CARD8: variants seen among roughly 807,000 people sequenced by gnomAD.
CARD8 encodes caspase recruitment domain family member 8.
CARD8 carries 38 observed loss-of-function variants against 53.2 expected under a neutral mutation model. That is an observed-to-expected ratio of 0.71 (90% confidence interval 0.55 to 0.94). CARD8 has a LOEUF of 0.94. Ranked by LOEUF, CARD8 falls within the 40% of genes least tolerant of loss-of-function variation. CARD8 has a pLI of 0.00. For synonymous variants in CARD8, 245 were observed against 244.9 expected, an observed-to-expected ratio of 1.00 and a Z score of 0.00; for missense variants, 561 against 655.5, an observed-to-expected ratio of 0.86 and a Z score of 1.57.
chr19:48,206,087 G>A (rs774237642), downstream of CARD8, among the ~76,000 whole-genome samples: 4 of 151,734 alleles, frequency 2.6e-5, no homozygotes, highest in African/African-American at 7.3e-5. Context: ...CAGTAGAGAC[G>A]AGGTTTCACC....
At chr19:48,238,191 C>A in intron 5 of CARD8, 192 bp downstream of exon 5, 1 of 1,085,640 alleles carries the variant, frequency 9.2e-7, no homozygotes, top group Non-Finnish European at 1.2e-6. Context: ...GGGCTCAGAC[C>A]TTTTTTCCCT....
intron 10 of CARD8, among the ~76,000 whole-genome samples, chr19:48,229,295 T>C (rs2042394589): frequency 6.6e-6 from 1 of 151,980 alleles, no homozygotes; most frequent in Non-Finnish European, 1.5e-5. Flanking sequence ...ATCAATAAGG[T>C]ATGAAGCAAG....
rs991381817 is a variant in CARD8 at position 48,242,274 on chromosome 19, G to A, written c.-43-1211C>T. The stretch of plus-strand genomic sequence containing the variant: ...CGCTCCCGCTTTCTACCGTGGGAGG[G>A]CGCAGCAAGAAGTCAGCCGTCTATG... On this transcript the variant is annotated intron_variant, in intron 3 of 13. Transcript: ENST00000651546. Among the ~76,000 whole-genome samples, 181 of 152,192 alleles carry A rather than the reference G, an allele frequency of 1.2e-3. 1 individual carries two copies. The highest frequency in any genetic ancestry group is 3.7e-3 in the African/African-American group (152 of 41,524).
Position 48,213,437 on chromosome 19 carries a change from CGA to C in CARD8, c.1349-1464_1349-1463del, listed in dbSNP as rs754430003. On this transcript the variant is annotated intron_variant, in intron 13 of 13. Coordinates refer to ENST00000651546, the MANE Select transcript of CARD8 (RefSeq NM_001184900.3). ...GTCCCCAGGCTGGAGTGCGATGGCA[CGA>C]TCTCGGCTTACTGCAATCTCCGCCC... Among the ~76,000 whole-genome samples the C allele has an allele frequency of 6.7e-3, 1,016 of 152,236 alleles. 7 individuals are homozygous for C. Among genetic ancestry groups the C allele is most frequent in the Non-Finnish European group, 0.011 (754 of 68,014 alleles).
chr19:48,232,929 G>A, intron 6 of CARD8: 2 of 380,482 alleles, frequency 5.3e-6, no homozygotes, highest in Non-Finnish European at 1.0e-5. Flanking sequence ...GTTCAATGTG[G>A]ACACAGCCAG....
intron 5 of CARD8, among the ~76,000 whole-genome samples, chr19:48,236,322 C>T (rs975414973): frequency 1.3e-5 from 2 of 152,132 alleles, no homozygotes; most frequent in African/African-American, 4.8e-5. Flanking sequence ...AAGCTATTCT[C>T]CTGCCTCAGC....
intron 12 of CARD8, 97 bp downstream of exon 12, chr19:48,218,774 G>C (rs1230430896): frequency 7.6e-7 from 1 of 1,323,280 alleles, no homozygotes; most frequent in African/African-American, 1.5e-5. Flanking sequence ...TTCTTCTCTG[G>C]GAAAGAACCA....
At chr19:48,207,175 AAAAG>A (rs1431917307), downstream of CARD8, among the ~76,000 whole-genome samples, 6 of 138,662 alleles carry the variant, frequency 4.3e-5, 1 homozygote, top group Non-Finnish European at 6.3e-5. Flanking sequence ...CAAAAAAAAA[AAAAG>A]AAAAGAAAAG....
chr19:48,206,492 T>G (rs1301947832), downstream of CARD8: 1 of 461,652 alleles, frequency 2.2e-6, no homozygotes, highest in Admixed American at 2.3e-5. Flanking sequence ...TAGGCAAGAT[T>G]GGGCAGCATC....
chr19:48,228,651 G>A (rs2042244110), intron 10 of CARD8, among the ~76,000 whole-genome samples: 1 of 152,186 alleles, frequency 6.6e-6, no homozygotes, highest in Non-Finnish European at 1.5e-5. Context: ...AAGTATGACT[G>A]CAGGAGGGAG....
intron 3 of CARD8, among the ~76,000 whole-genome samples, chr19:48,246,984 T>C (rs1198950027): frequency 2.0e-5 from 3 of 152,238 alleles, no homozygotes; most frequent in African/African-American, 7.2e-5. Context: ...TACTTACCTA[T>C]GTATGAACTC....
chr19:48,234,479 CT>C lies in CARD8; in HGVS notation c.273del (p.Asp92MetfsTer49), dbSNP rs763265152. 94 of 1,613,890 alleles carry C rather than the reference CT, an allele frequency of 5.8e-5. No homozygotes were observed. Among genetic ancestry groups the C allele is most frequent in the Non-Finnish European group, 7.5e-5 (89 of 1,179,862 alleles). ...AATGGCTCTGCCTCTGTCTCATCAT[CT>C]TCTTGGAAAAAATGTGAGATGTCAC... is the stretch of plus-strand genomic sequence containing the variant. ...TLCDISHFFQEDDETEAEPLL... is the reference protein window; with the variant it reads ...TLCDISHFFQXDDETEAEPLL... On this transcript the variant is annotated frameshift_variant, in exon 6 of 14. Transcript: ENST00000651546. LOFTEE classifies it high-confidence loss of function.
At chr19:48,253,787 C>T (rs141749116) in intron 1 of CARD8, among the ~76,000 whole-genome samples, 63 of 152,160 alleles carry the variant, frequency 4.1e-4, no homozygotes, top group Admixed American at 2.0e-3. Flanking sequence ...ATAGTATACA[C>T]GGGTAGAATG....
intron 1 of CARD8, among the ~76,000 whole-genome samples, chr19:48,252,808 T>TATATATATAC (rs113740488): frequency 6.2e-4 from 92 of 148,298 alleles, no homozygotes; most frequent in African/African-American, 1.3e-3. Flanking sequence ...TATCAGTATA[T>TATATATATAC]ACACACACAC....
rs1291421469 is a variant in CARD8 at position 48,211,425 on chromosome 19, G to A, written c.*285C>T. 9.3e-6 allele frequency: 3 copies of A among 321,802 alleles called. No individual in the cohort carries two copies. The highest frequency in any genetic ancestry group is 8.5e-5 in the South Asian group (2 of 23,446). 19.9% of individuals were successfully genotyped at this position (321,802 alleles called of 1,614,324 possible). A position where few individuals can be genotyped will look rare whatever the true frequency, so the allele number is the denominator to read the frequency against. ...CCTATCCGGATGTCCTTTATCCTGG[G>A]TCTTCAAGAATCATGTCAATGGATA... is the stretch of plus-strand genomic sequence containing the variant. On this transcript the variant is annotated 3_prime_UTR_variant, in exon 14 of 14. Coordinates refer to ENST00000651546, the MANE Select transcript of CARD8 (RefSeq NM_001184900.3).
At chr19:48,226,845 G>T (rs945089085) in intron 10 of CARD8, among the ~76,000 whole-genome samples, 1 of 152,046 alleles carries the variant, frequency 6.6e-6, no homozygotes, top group Non-Finnish European at 1.5e-5. Context: ...CGAGGCCGAG[G>T]GGGGCAGATC....
intron 5 of CARD8, among the ~76,000 whole-genome samples, chr19:48,234,780 A>G (rs2043570998): frequency 6.6e-6 from 1 of 152,126 alleles, no homozygotes; most frequent in Non-Finnish European, 1.5e-5. Flanking sequence ...TGCTCTTTCC[A>G]TCCTAGGAAG....
intron 12 of CARD8, among the ~76,000 whole-genome samples, chr19:48,216,036 G>C (rs1433012966): frequency 6.6e-6 from 1 of 151,484 alleles, no homozygotes; most frequent in Non-Finnish European, 1.5e-5. Context: ...TTGAGTTTCT[G>C]GTCATTTGAC....
chr19:48,207,738 T>TTTTTTTTTTTTGTTTG (rs2123579123), downstream of CARD8, among the ~76,000 whole-genome samples: 1 of 90,688 alleles, frequency 1.1e-5, no homozygotes, highest in Non-Finnish European at 2.3e-5. Context: ...TTTTCTGTTT[T>TTTTTTTTTTTTGTTTG]TTTTTTTTTT....
Sources: allele counts gnomAD v4.1 joint callset (sites outside exome capture counted in the v4.1 genomes callset), GRCh38; gene constraint gnomAD v4.1.1; transcripts MANE v1.5; gene names NCBI Gene and HGNC (gene_info 2026-07-23, HGNC 2026-07-21).